SAMD12: variants seen among roughly 807,000 people sequenced by gnomAD.
SAMD12 encodes sterile alpha motif domain-containing protein 12.
A neutral mutation model predicts 15.0 loss-of-function variants in SAMD12; 9 were observed. The ratio of observed to expected loss-of-function variants is 0.60; its 90% CI spans 0.36 to 1.05. SAMD12 has a LOEUF of 1.05. Ranked by LOEUF, SAMD12 falls within the 50% of genes least tolerant of loss-of-function variation. The pLI is 0.01. For synonymous variants in SAMD12, 86 were observed against 90.1 expected (o/e 0.96, Z 0.25); for missense variants, 230 against 234.2 (o/e 0.98, Z 0.12).
At chr8:118,616,172 G>A (rs865935158) in intron 1 of SAMD12, among the ~76,000 whole-genome samples, 3 of 152,206 alleles carry the variant, frequency 2.0e-5, no homozygotes, top group Non-Finnish European at 4.4e-5. Context: ...TGAAGCTGCT[G>A]CAGGGATAAG....
chr8:118,577,801 C>T (rs1307400146), intron 2 of SAMD12, among the ~76,000 whole-genome samples: 1 of 152,070 alleles, frequency 6.6e-6, no homozygotes, highest in African/African-American at 2.4e-5. Context: ...ACTTCTCTGA[C>T]AAATAAACCA....
At chr8:118,557,495 A>G (rs1200005789) in intron 2 of SAMD12, among the ~76,000 whole-genome samples, 1 of 152,180 alleles carries the variant, frequency 6.6e-6, no homozygotes, top group Non-Finnish European at 1.5e-5. Context: ...TTTATAAAGA[A>G]AAAGAGCATC....
chr8:118,441,669 T>C (rs1822767967), intron 2 of SAMD12, among the ~76,000 whole-genome samples: 1 of 152,212 alleles, frequency 6.6e-6, no homozygotes, highest in Non-Finnish European at 1.5e-5. Context: ...TGTATCTGCT[T>C]TTCATTCAAT....
chr8:118,332,494 C>T (rs554806020), intron 4 of SAMD12, among the ~76,000 whole-genome samples: 222 of 152,276 alleles, frequency 1.5e-3, no homozygotes, highest in Non-Finnish European at 2.5e-3. Context: ...AGGTGTCGTT[C>T]GTTTATTTAG....
intron 4 of SAMD12, among the ~76,000 whole-genome samples, chr8:118,359,065 ATC>A (rs1337768907): frequency 7.3e-5 from 11 of 151,498 alleles, no homozygotes; most frequent in Admixed American, 6.6e-4. Flanking sequence ...TTTAACAACT[ATC>A]TCTGTTATGG....
chr8:118,564,941 G>A (rs1826806692), intron 2 of SAMD12, among the ~76,000 whole-genome samples: 1 of 152,184 alleles, frequency 6.6e-6, no homozygotes, highest in African/African-American at 2.4e-5. Flanking sequence ...GTTGGAAATT[G>A]CACTGGGGTT....
chr8:118,552,192 C>T (rs370205831), intron 2 of SAMD12, among the ~76,000 whole-genome samples: 2 of 152,142 alleles, frequency 1.3e-5, no homozygotes, highest in South Asian at 2.1e-4. Context: ...CCAGCATCAT[C>T]CTGATACCAA....
chr8:118,529,156 C>G (rs1318271365), intron 2 of SAMD12, among the ~76,000 whole-genome samples: 1 of 152,188 alleles, frequency 6.6e-6, no homozygotes, highest in Non-Finnish European at 1.5e-5. Flanking sequence ...AAACCAGGAA[C>G]TTACACTATA....
intron 1 of SAMD12, among the ~76,000 whole-genome samples, chr8:118,595,671 T>C (rs768024191): frequency 2.6e-5 from 4 of 152,242 alleles, no homozygotes; most frequent in Non-Finnish European, 4.4e-5. Flanking sequence ...TGAGTTCTTC[T>C]GCTTTGCTCT....
rs545733236 is a variant in SAMD12, at chr8:118,496,144, A to G, written c.193-56183T>C. 8.5e-5 allele frequency among the ~76,000 whole-genome samples: 13 copies of G among 152,350 alleles called. No homozygotes were observed. The South Asian group carries it at 1.2e-3, about 15-fold the overall frequency. ...TAAAATGGCCATACTGCCCAAGGCA[A>G]TTTATGGATTCAATGATATTCCTAT... On this transcript the variant is annotated intron_variant, in intron 2 of 3. Transcript: ENST00000314727.
At chr8:118,225,876 G>A (rs996172458) in intron 4 of SAMD12, among the ~76,000 whole-genome samples, 3 of 152,138 alleles carry the variant, frequency 2.0e-5, no homozygotes, top group African/African-American at 7.2e-5. Context: ...TCAGAGATGG[G>A]AAGTAACTTG....
chr8:118,449,896 G>T (rs1433324131), intron 2 of SAMD12, among the ~76,000 whole-genome samples: 1 of 151,948 alleles, frequency 6.6e-6, no homozygotes, highest in Non-Finnish European at 1.5e-5. Flanking sequence ...GAGGGGCAAA[G>T]GTATGTTTCT....
intron 4 of SAMD12, among the ~76,000 whole-genome samples, chr8:118,219,938 T>G (rs2129863629): frequency 6.6e-6 from 1 of 152,328 alleles, no homozygotes; most frequent in African/African-American, 2.4e-5. Context: ...CCACTAAGTT[T>G]TTGAGGTAGT....
At chr8:118,147,363 A>ATT in the SAMD12 span, among the ~76,000 whole-genome samples, 1 of 138,826 alleles carries the variant, frequency 7.2e-6, no homozygotes, top group South Asian at 2.3e-4. Flanking sequence ...TCCTAGGATA[A>ATT]TTTTTTTTTT....
chr8:118,598,610 G>T (rs1390794985), intron 1 of SAMD12, among the ~76,000 whole-genome samples: 1 of 152,192 alleles, frequency 6.6e-6, no homozygotes, highest in East Asian at 1.9e-4. Flanking sequence ...TTATTTATTT[G>T]AGCACCTAGG....
the SAMD12 span, among the ~76,000 whole-genome samples, chr8:118,136,226 C>T: frequency 0.28 from 41,954 of 151,522 alleles, 6,242 homozygotes; most frequent in South Asian, 0.37. Context: ...GATGGGGTTT[C>T]ACCATGTTGG....
chr8:118,225,083 C>T (rs1264482821), intron 4 of SAMD12, among the ~76,000 whole-genome samples: 1 of 152,168 alleles, frequency 6.6e-6, no homozygotes, highest in Non-Finnish European at 1.5e-5. Context: ...GCTTTTGTTG[C>T]ATCCTCTCCT....
chr8:118,176,603 A>AGC, the SAMD12 span, among the ~76,000 whole-genome samples: 1 of 152,192 alleles, frequency 6.6e-6, no homozygotes, highest in Non-Finnish European at 1.5e-5. Flanking sequence ...TATAAGTGAG[A>AGC]GCTAAACAAC....
chr8:118,488,766 C>T (rs1317564045), intron 2 of SAMD12, among the ~76,000 whole-genome samples: 1 of 152,182 alleles, frequency 6.6e-6, no homozygotes, highest in African/African-American at 2.4e-5. Flanking sequence ...TATTGGTGGA[C>T]ACCTGGGTTC....
Sources: gnomAD v4.1 joint callset for allele counts (sites outside exome capture counted in the v4.1 genomes callset) on GRCh38, gnomAD v4.1.1 for gene constraint, MANE v1.5 for transcripts, NCBI Gene and HGNC (gene_info 2026-07-23, HGNC 2026-07-21) for gene names.